The following SKAP2 variants were observed in gnomAD, a reference collection of about 807,000 sequenced individuals.
The protein encoded by SKAP2 is src kinase associated phosphoprotein 2.
SKAP2 carries 28 observed loss-of-function variants against 54.9 expected under a neutral mutation model. That is an observed-to-expected ratio of 0.51 (90% CI 0.38 to 0.70). SKAP2 has a LOEUF of 0.70. SKAP2 is among the 30% of genes least tolerant of loss of function. The pLI is 0.00. For synonymous variants in SKAP2, 137 were observed against 134.3 expected (o/e 1.02, Z -0.14); for missense variants, 356 against 424.1 (o/e 0.84, Z 1.41).
chr7:26,703,796 CATT>C (rs1787099990), intron 9 of SKAP2, among the ~76,000 whole-genome samples: 2 of 152,174 alleles, frequency 1.3e-5, no homozygotes, highest in South Asian at 2.1e-4. Flanking sequence ...CAAAACCCAT[CATT>C]AACATTTTAC....
chr7:26,738,670 A>G (rs767510340), intron 6 of SKAP2, 125 bp downstream of exon 6: 237 of 601,326 alleles, frequency 3.9e-4, no homozygotes, highest in Non-Finnish European at 6.3e-4. Context: ...TAGTCAGATT[A>G]TAATTGTTAT....
chr7:26,774,393 C>T (rs1056003618), intron 4 of SKAP2, among the ~76,000 whole-genome samples: 10 of 152,086 alleles, frequency 6.6e-5, no homozygotes, highest in African/African-American at 2.4e-4. Flanking sequence ...CACACATACA[C>T]ACACCCCACA....
At chr7:26,661,469 A>C in the SKAP2 span, among the ~76,000 whole-genome samples, 1 of 152,198 alleles carries the variant, frequency 6.6e-6, no homozygotes, top group Non-Finnish European at 1.5e-5. Flanking sequence ...TCAGTTTAAA[A>C]AAATATTACA....
chr7:26,822,077 C>T (rs148149136), intron 4 of SKAP2, among the ~76,000 whole-genome samples: 174 of 152,250 alleles, frequency 1.1e-3, no homozygotes, highest in Admixed American at 3.5e-3. Context: ...ATAGCTTCAT[C>T]CATTATCACC....
chr7:26,836,433 C>T (rs1001512281), intron 4 of SKAP2, among the ~76,000 whole-genome samples: 1 of 151,902 alleles, frequency 6.6e-6, no homozygotes, highest in South Asian at 2.1e-4. Context: ...AAAAATTTTG[C>T]AATCTATCCA....
intron 4 of SKAP2, among the ~76,000 whole-genome samples, chr7:26,761,929 C>A (rs1407374549): frequency 2.0e-5 from 3 of 151,984 alleles, no homozygotes; most frequent in African/African-American, 4.8e-5. Context: ...ATAGGGTGAC[C>A]TTTCCATGTC....
At chr7:26,731,579 T>A (rs557649805) in intron 6 of SKAP2, among the ~76,000 whole-genome samples, 1 of 152,324 alleles carries the variant, frequency 6.6e-6, no homozygotes, top group African/African-American at 2.4e-5. Context: ...CAAAACTGTT[T>A]ATCCAAATCT....
chr7:26,774,517 G>A (rs77385313), intron 4 of SKAP2, among the ~76,000 whole-genome samples: 1 of 125,378 alleles, frequency 8.0e-6, no homozygotes, highest in Non-Finnish European at 1.8e-5. Flanking sequence ...GTGTGTGTGT[G>A]TATGTATATA....
chr7:26,753,338 T>C (rs17154453), intron 4 of SKAP2, among the ~76,000 whole-genome samples: 6,641 of 152,290 alleles, frequency 0.044, 214 homozygotes, highest in Non-Finnish European at 0.072. Flanking sequence ...GGTACTTCTT[T>C]CAAATGTAGA....
chr7:26,851,789 T>G (rs1160671433), intron 3 of SKAP2, among the ~76,000 whole-genome samples: 1 of 151,582 alleles, frequency 6.6e-6, no homozygotes. Flanking sequence ...TGGGAGATTA[T>G]CTAGAGTAGA....
At chr7:26,683,569 G>GA (rs762077323) in intron 11 of SKAP2, among the ~76,000 whole-genome samples, 10 of 152,032 alleles carry the variant, frequency 6.6e-5, no homozygotes, top group Non-Finnish European at 1.3e-4. Context: ...AGGAAGGAAA[G>GA]AAGGAGCACA....
intron 4 of SKAP2, among the ~76,000 whole-genome samples, chr7:26,741,128 G>GT (rs1220950671): frequency 6.6e-6 from 1 of 151,860 alleles, no homozygotes; most frequent in East Asian, 1.9e-4. Context: ...TAGAAAATGT[G>GT]TTTGAGTACA....
rs1786137290 is a variant in SKAP2, at chr7:26,667,865, C to A, written c.*1801G>T. 6.6e-6 allele frequency: 1 copy of A among 152,202 alleles called. No homozygotes were observed. The highest frequency in any genetic ancestry group is 6.5e-5 in the Admixed American group (1 of 15,274). 9.4% of individuals were successfully genotyped at this position (152,202 alleles called of 1,614,324 possible). A position where few individuals can be genotyped will look rare whatever the true frequency, so the allele number is the denominator to read the frequency against. On this transcript the variant is annotated 3_prime_UTR_variant, in exon 13 of 13. Transcript: ENST00000345317. ...CAACGGCTTTTGCTTTTCAGCTGCTCAAGTTTTGAAAACCAGTCCACTAAA... is the reference window on the plus strand; with the variant it reads ...CAACGGCTTTTGCTTTTCAGCTGCTAAAGTTTTGAAAACCAGTCCACTAAA...
chr7:26,769,841 G>GC (rs1783145768), intron 4 of SKAP2, among the ~76,000 whole-genome samples: 1 of 151,612 alleles, frequency 6.6e-6, no homozygotes, highest in African/African-American at 2.4e-5. Flanking sequence ...GTCCCAGAGG[G>GC]CACCCGCCAG....
chr7:26,662,682 T>C (rs565631227), downstream of SKAP2, among the ~76,000 whole-genome samples: 3 of 152,118 alleles, frequency 2.0e-5, no homozygotes, highest in South Asian at 6.2e-4. Context: ...ATAAAGCAAA[T>C]ATGCTGACCA....
chr7:26,676,681 T>G (rs1174855798), intron 11 of SKAP2, among the ~76,000 whole-genome samples: 1 of 152,168 alleles, frequency 6.6e-6, no homozygotes, highest in African/African-American at 2.4e-5. Context: ...GTTAACATAT[T>G]GGGATACAAA....
chr7:26,814,769 C>T (rs12537323), intron 4 of SKAP2, among the ~76,000 whole-genome samples: 32,303 of 151,828 alleles, frequency 0.21, 3,514 homozygotes, highest in Non-Finnish European at 0.24. Flanking sequence ...TTCTAAAAGA[C>T]GTTTATCATG....
intron 4 of SKAP2, among the ~76,000 whole-genome samples, chr7:26,825,039 T>A (rs1161610018): frequency 1.3e-5 from 2 of 152,308 alleles, no homozygotes; most frequent in Non-Finnish European, 1.5e-5. Flanking sequence ...CAGGTCCTAG[T>A]GCTACAGGTA....
At chr7:26,855,324 T>C (rs1363563875) in intron 1 of SKAP2, among the ~76,000 whole-genome samples, 1 of 152,098 alleles carries the variant, frequency 6.6e-6, no homozygotes. Context: ...TACAAGCTAA[T>C]GTCTCTGGCA....
Sources: allele counts gnomAD v4.1 joint callset (sites outside exome capture counted in the v4.1 genomes callset), GRCh38; gene constraint gnomAD v4.1.1; transcripts MANE v1.5; gene names NCBI Gene and HGNC (gene_info 2026-07-23, HGNC 2026-07-21).